Variants in FBXW7 observed in about 807,000 individuals in gnomAD.
The protein encoded by FBXW7 is F-box and WD repeat domain containing 7, also known as F-box/WD repeat-containing protein 7.
In FBXW7, 11 loss-of-function variants were observed where a neutral mutation model predicts 86.3. That is an observed-to-expected ratio of 0.13 (90% CI 0.08 to 0.21). FBXW7 has a LOEUF of 0.21. Among genes scored for constraint, FBXW7 ranks in the 10% least tolerant of loss-of-function variants. The pLI is 1.00. For missense variants in FBXW7, 488 were observed against 847.4 expected, an observed-to-expected ratio of 0.58 and a Z score of 5.27; for synonymous variants, 313 against 297.9, an observed-to-expected ratio of 1.05 and a Z score of -0.52.
intron 2 of FBXW7, among the ~76,000 whole-genome samples, chr4:152,432,940 G>A (rs1459319317): frequency 1.3e-5 from 2 of 152,116 alleles, no homozygotes; most frequent in Non-Finnish European, 2.9e-5. Flanking sequence ...GATTAGTTTT[G>A]TGGATTTTGA....
chr4:152,502,603 T>C (rs760740188), intron 2 of FBXW7, among the ~76,000 whole-genome samples: 4 of 151,966 alleles, frequency 2.6e-5, no homozygotes, highest in Non-Finnish European at 5.9e-5. Flanking sequence ...ACTTTAAAAA[T>C]GAATGGACAA....
chr4:152,465,182 T>C (rs1411520769), intron 2 of FBXW7, among the ~76,000 whole-genome samples: 1 of 151,976 alleles, frequency 6.6e-6, no homozygotes, highest in African/African-American at 2.4e-5. Flanking sequence ...TAAAGGGTAC[T>C]TACCTTCAAG....
chr4:152,352,953 C>T, intron 4 of FBXW7: 3 of 1,393,238 alleles, frequency 2.2e-6, no homozygotes, highest in African/African-American at 1.4e-5. Flanking sequence ...CCAGGGAACC[C>T]GTAAGAACAC....
chr4:152,412,374 T>C (rs1738040088), intron 3 of FBXW7, 106 bp downstream of exon 3: 1 of 152,018 alleles, frequency 6.6e-6, no homozygotes, highest in Admixed American at 6.6e-5. Flanking sequence ...GACACAGTTT[T>C]CTAGCAGGTA....
intron 2 of FBXW7, among the ~76,000 whole-genome samples, chr4:152,467,702 C>G (rs7682964): frequency 1.3e-5 from 2 of 152,128 alleles, no homozygotes; most frequent in Admixed American, 1.3e-4. Flanking sequence ...AATGCTTTTT[C>G]GTAGTCCTAT....
rs1444689641 is a variant in FBXW7 at position 152,322,317 on chromosome 4, T to C, written c.*564A>G. 5 of 195,650 alleles carry C rather than the reference T, an allele frequency of 2.6e-5. No homozygotes were observed. The highest frequency in any genetic ancestry group is 3.7e-5 in the Non-Finnish European group (4 of 106,988). The allele number at this position is 195,650 out of a possible 1,614,324, so 12.1% of individuals were successfully genotyped here. ...TACTGTGATTGATTGACATTGGCAA[T>C]GGTTGGCAAAAAAAAAAAAAAAAAA... On this transcript the variant is annotated 3_prime_UTR_variant, in exon 14 of 14. Transcript: ENST00000281708.
intron 4 of FBXW7, among the ~76,000 whole-genome samples, chr4:152,374,918 T>C (rs535212772): frequency 9.5e-4 from 145 of 152,108 alleles, no homozygotes; most frequent in African/African-American, 3.4e-3. Flanking sequence ...TTTTAAAACG[T>C]TTTATATTTC....
In FBXW7 at chr4:152,513,178, C is replaced by T. The variant is rs112503917; in HGVS notation, c.-120+21763G>A. ...CTGGCCTGAACTGAGTATTTAATAGCGTGAATTTTCTGGTATGCAAATTAT... is the reference window on the plus strand; with the variant it reads ...CTGGCCTGAACTGAGTATTTAATAGTGTGAATTTTCTGGTATGCAAATTAT... On this transcript the variant is annotated intron_variant, in intron 2 of 13. Transcript: ENST00000281708. 8.5e-3 allele frequency among the ~76,000 whole-genome samples: 1,297 copies of T among 152,098 alleles called. 28 individuals carry two copies. Among genetic ancestry groups the T allele is most frequent in the African/African-American group, 0.03 (1,234 of 41,478 alleles).
intron 4 of FBXW7, among the ~76,000 whole-genome samples, chr4:152,385,185 T>C (rs151010771): frequency 3.9e-5 from 6 of 152,102 alleles, no homozygotes; most frequent in African/African-American, 7.2e-5. Flanking sequence ...CCCCCCTGAA[T>C]TTCTTTTCCT....
At position 152,347,006 on chromosome 4, in the gene FBXW7, C is replaced by T. The variant is rs2126635561; in HGVS notation, c.650G>A (p.Gly217Asp). The change falls in exon 6 of 14, where the codon GGC (glycine) becomes GAC (aspartate). Residue 217 changes from glycine to aspartate, a missense_variant. Gly to Asp is a moderately conservative substitution (Grantham distance 94). Transcript: ENST00000281708. ...AATTCGGCGTCGTTGTTGCCCTTGG[C>T]CATTGGCTGCTCTGAGGTCCCCAAA... The part of the protein sequence containing the change: ...TTFGDLRAAN[G>D]QGQQRRRITS... The T allele has an allele frequency of 6.2e-7, 1 of 1,613,310 alleles. No homozygotes were observed. The highest frequency in any genetic ancestry group is 8.5e-7 in the Non-Finnish European group (1 of 1,179,762).
intron 2 of FBXW7, among the ~76,000 whole-genome samples, chr4:152,525,658 T>C (rs1414768324): frequency 6.6e-6 from 1 of 152,210 alleles, no homozygotes; most frequent in Non-Finnish European, 1.5e-5. Flanking sequence ...CTGCACAGTA[T>C]CCCATGGTGT....
chr4:152,478,317 A>C (rs1233959910), intron 2 of FBXW7, among the ~76,000 whole-genome samples: 1 of 152,134 alleles, frequency 6.6e-6, no homozygotes, highest in East Asian at 1.9e-4. Flanking sequence ...ATCTAAGTAG[A>C]ATCATACAAT....
At chr4:152,381,122 C>T (rs1328111358) in intron 4 of FBXW7, among the ~76,000 whole-genome samples, 1 of 152,056 alleles carries the variant, frequency 6.6e-6, no homozygotes, top group East Asian at 1.9e-4. Flanking sequence ...ATGGCTGCCA[C>T]TTGTTTGGCG....
At chr4:152,337,697 GAC>G (rs773721306) in intron 7 of FBXW7, 103 bp downstream of exon 7, 15 of 1,207,858 alleles carry the variant, frequency 1.2e-5, no homozygotes, top group Non-Finnish European at 1.7e-5. Flanking sequence ...GTGTCAAACT[GAC>G]AATACCGAAT....
At chr4:152,519,299 A>AAAATAAATAAAT (rs372626356) in intron 2 of FBXW7, among the ~76,000 whole-genome samples, 1 of 151,962 alleles carries the variant, frequency 6.6e-6, no homozygotes, top group East Asian at 1.9e-4. Context: ...CTCTGTCTCA[A>AAAATAAATAAAT]AAATAAATAA....
chr4:152,341,447 T>G (rs1456669490), intron 6 of FBXW7, among the ~76,000 whole-genome samples: 1 of 152,228 alleles, frequency 6.6e-6, no homozygotes, highest in Admixed American at 6.5e-5. Flanking sequence ...TCCAAACTCA[T>G]CCACCTCATC....
At chr4:152,469,233 T>G (rs533231980) in intron 2 of FBXW7, among the ~76,000 whole-genome samples, 147 of 152,162 alleles carry the variant, frequency 9.7e-4, no homozygotes, top group Non-Finnish European at 1.7e-3. Context: ...TCTTTCCCAT[T>G]CTGAAGCATA....
intron 4 of FBXW7, among the ~76,000 whole-genome samples, chr4:152,400,553 C>T (rs1736835120): frequency 6.6e-6 from 1 of 151,834 alleles, no homozygotes. Context: ...CAGTATGTTG[C>T]CCAGGCTGGT....
At chr4:152,348,644 T>C (rs1037613927) in intron 5 of FBXW7, 2 of 770,758 alleles carry the variant, frequency 2.6e-6, no homozygotes, top group Non-Finnish European at 3.5e-6. Flanking sequence ...TATTCTAAGC[T>C]GCCTTAAAAA....
Sources: allele counts gnomAD v4.1 joint callset (sites outside exome capture counted in the v4.1 genomes callset), GRCh38; gene constraint gnomAD v4.1.1; transcripts MANE v1.5; gene names NCBI Gene and HGNC (gene_info 2026-07-23, HGNC 2026-07-21).